UNC13C: variants seen among roughly 807,000 people sequenced by gnomAD.
UNC13C encodes protein unc-13 homolog C.
In UNC13C, 174 loss-of-function variants were observed where a neutral mutation model predicts 245.4. The observed-to-expected ratio is 0.71, with a 90% CI of 0.63 to 0.80. UNC13C has a LOEUF of 0.80. Among genes scored for constraint, UNC13C ranks in the 30% least tolerant of loss-of-function variants. The pLI is 0.00. For missense variants in UNC13C, 2,829 were observed against 2,602.9 expected, an observed-to-expected ratio of 1.09 and a Z score of -1.89; for synonymous variants, 992 against 895.1, an observed-to-expected ratio of 1.11 and a Z score of -1.93.
At chr15:54,475,249 T>C (rs2141050226) in intron 19 of UNC13C, among the ~76,000 whole-genome samples, 1 of 151,334 alleles carries the variant, frequency 6.6e-6, no homozygotes, top group African/African-American at 2.4e-5. Context: ...TGAGTTTATT[T>C]TTGTGTATAG....
intron 19 of UNC13C, among the ~76,000 whole-genome samples, chr15:54,443,279 T>G: frequency 6.6e-6 from 1 of 152,262 alleles, no homozygotes; most frequent in East Asian, 1.9e-4. Flanking sequence ...CAATTTTGAC[T>G]TTGTTTATTT....
At chr15:54,591,220 T>G (rs1377353441) in intron 30 of UNC13C, among the ~76,000 whole-genome samples, 3 of 152,206 alleles carry the variant, frequency 2.0e-5, no homozygotes, top group Admixed American at 6.5e-5. Context: ...GATTTTAGCA[T>G]GTATATTCAT....
chr15:54,510,069 A>G (rs1351938943), intron 23 of UNC13C, among the ~76,000 whole-genome samples: 3 of 152,166 alleles, frequency 2.0e-5, no homozygotes, highest in African/African-American at 7.2e-5. Flanking sequence ...TAAAGCTAGT[A>G]CTAGGGTCCT....
chr15:54,163,098 G>A (rs1351734521), intron 4 of UNC13C, among the ~76,000 whole-genome samples: 1 of 152,126 alleles, frequency 6.6e-6, no homozygotes, highest in Non-Finnish European at 1.5e-5. Flanking sequence ...CGTGGCAAAA[G>A]GCACTTTGCA....
the UNC13C span, among the ~76,000 whole-genome samples, chr15:53,867,346 G>A: frequency 6.6e-6 from 1 of 152,160 alleles, no homozygotes; most frequent in Non-Finnish European, 1.5e-5. Flanking sequence ...GAATTTTTAG[G>A]TATCAGATAA....
the UNC13C span, among the ~76,000 whole-genome samples, chr15:53,926,837 C>A: frequency 2.0e-5 from 3 of 152,132 alleles, no homozygotes; most frequent in African/African-American, 4.8e-5. Context: ...GGGAATGGAA[C>A]GGCAGGACAG....
At chr15:54,291,178 A>G (rs1415628689) in intron 10 of UNC13C, among the ~76,000 whole-genome samples, 1 of 152,006 alleles carries the variant, frequency 6.6e-6, no homozygotes, top group African/African-American at 2.4e-5. Context: ...TATGCTTGCT[A>G]CAATAATTTC....
At chr15:53,963,994 T>C in the UNC13C span, among the ~76,000 whole-genome samples, 3 of 152,282 alleles carry the variant, frequency 2.0e-5, no homozygotes, top group East Asian at 5.8e-4. Context: ...GAAGAACACA[T>C]ATTTTGGAAT....
chr15:54,200,885 G>A (rs2034500925), intron 4 of UNC13C, among the ~76,000 whole-genome samples: 1 of 151,954 alleles, frequency 6.6e-6, no homozygotes, highest in East Asian at 1.9e-4. Flanking sequence ...GAAACAAAAA[G>A]TTTGTTCTTT....
At chr15:54,381,912 A>T (rs1192201715) in intron 17 of UNC13C, among the ~76,000 whole-genome samples, 1 of 152,200 alleles carries the variant, frequency 6.6e-6, no homozygotes, top group African/African-American at 2.4e-5. Context: ...AATCTAACAG[A>T]TACTTACAGA....
At chr15:54,239,802 A>G (rs16974346) in intron 7 of UNC13C, among the ~76,000 whole-genome samples, 33,128 of 152,110 alleles carry the variant, frequency 0.22, 5,698 homozygotes, top group African/African-American at 0.47. Flanking sequence ...TATTTTGAGT[A>G]TAGTTTGGGC....
At chr15:54,195,434 G>A (rs1567087197) in intron 4 of UNC13C, among the ~76,000 whole-genome samples, 2 of 152,120 alleles carry the variant, frequency 1.3e-5, no homozygotes, top group African/African-American at 2.4e-5. Flanking sequence ...GTGGGGATGC[G>A]AATTCTTCCT....
chr15:54,490,561 T>C (rs1018307380), intron 19 of UNC13C, among the ~76,000 whole-genome samples: 1 of 152,124 alleles, frequency 6.6e-6, no homozygotes, highest in Non-Finnish European at 1.5e-5. Flanking sequence ...CTGAAGGTCT[T>C]GTCTGAAAAA....
chr15:54,281,886 T>C (rs2037006577), intron 10 of UNC13C, among the ~76,000 whole-genome samples: 1 of 152,242 alleles, frequency 6.6e-6, no homozygotes, highest in South Asian at 2.1e-4. Flanking sequence ...TAAGTTTTAC[T>C]GTGGTATAAT....
chr15:54,290,464 T>C (rs2037267550), intron 10 of UNC13C, among the ~76,000 whole-genome samples: 2 of 152,012 alleles, frequency 1.3e-5, no homozygotes, highest in African/African-American at 4.8e-5. Flanking sequence ...CCAAGACAAA[T>C]TGCAAGTACA....
At chr15:54,134,742 T>C (rs1481695733) in intron 2 of UNC13C, among the ~76,000 whole-genome samples, 1 of 152,148 alleles carries the variant, frequency 6.6e-6, no homozygotes, top group East Asian at 1.9e-4. Flanking sequence ...GTTGTTTTTA[T>C]ACCTTGGCTA....
intron 17 of UNC13C, among the ~76,000 whole-genome samples, chr15:54,377,913 A>G (rs989615799): frequency 6.6e-6 from 1 of 152,186 alleles, no homozygotes; most frequent in African/African-American, 2.4e-5. Context: ...TTACATTTTC[A>G]TATCTGTGAA....
intron 2 of UNC13C, among the ~76,000 whole-genome samples, chr15:54,103,990 G>A (rs574489410): frequency 1.9e-4 from 29 of 152,292 alleles, no homozygotes; most frequent in African/African-American, 4.8e-4. Context: ...TGATCTGCCC[G>A]CCTCGGCCTC....
At chr15:54,041,433 T>G (rs1242731166) in intron 2 of UNC13C, among the ~76,000 whole-genome samples, 1 of 152,174 alleles carries the variant, frequency 6.6e-6, no homozygotes, top group Non-Finnish European at 1.5e-5. Flanking sequence ...AGTCAAAATA[T>G]TAAAGACTAA....
Sources: allele counts gnomAD v4.1 joint callset (sites outside exome capture counted in the v4.1 genomes callset), GRCh38; gene constraint gnomAD v4.1.1; transcripts MANE v1.5; gene names NCBI Gene and HGNC (gene_info 2026-07-23, HGNC 2026-07-21).